PDE1C: variants seen among roughly 807,000 people sequenced by gnomAD.
PDE1C encodes the protein dual specificity calcium/calmodulin-dependent 3',5'-cyclic nucleotide phosphodiesterase 1C.
Under a neutral mutation model 93.1 loss-of-function variants are expected in PDE1C, and 62 were observed. The ratio of observed to expected loss-of-function variants is 0.67; its 90% CI spans 0.54 to 0.82. PDE1C has a LOEUF of 0.82. Ranked by LOEUF, PDE1C falls within the 40% of genes least tolerant of loss-of-function variation. The pLI is 0.00. For missense variants in PDE1C, 742 were observed against 884.6 expected, an observed-to-expected ratio of 0.84 and a Z score of 2.04; for synonymous variants, 325 against 310.1, an observed-to-expected ratio of 1.05 and a Z score of -0.50.
intron 14 of PDE1C, among the ~76,000 whole-genome samples, chr7:31,822,429 C>A (rs1008605887): frequency 3.3e-5 from 5 of 152,104 alleles, no homozygotes; most frequent in Non-Finnish European, 5.9e-5. Flanking sequence ...GTCACAAATG[C>A]ACATATGAAC....
chr7:31,978,741 A>G lies in PDE1C; in HGVS notation c.128+72813T>C, dbSNP rs74903260. 4.6e-3 allele frequency among the ~76,000 whole-genome samples: 707 copies of G among 152,254 alleles called. 4 individuals carry two copies. The highest frequency in any genetic ancestry group is 0.016 in the African/African-American group (650 of 41,558). The stretch of plus-strand genomic sequence containing the variant: ...AACTGTCTTGGAACTCCACTTTTCA[A>G]CAGAAATTTCTGGAAGAGATTAAGG... On this transcript the variant is annotated intron_variant, in intron 2 of 17. Coordinates refer to ENST00000396191, the MANE Select transcript of PDE1C (RefSeq NM_001191057.4).
At chr7:31,790,323 C>T in intron 16 of PDE1C, 1 of 1,444,920 alleles carries the variant, frequency 6.9e-7, no homozygotes, top group Non-Finnish European at 9.6e-7. Context: ...CACCTCCACC[C>T]TCCAAGTCTG....
intron 2 of PDE1C, among the ~76,000 whole-genome samples, chr7:31,931,643 C>T (rs903771345): frequency 6.6e-6 from 1 of 152,110 alleles, no homozygotes; most frequent in Non-Finnish European, 1.5e-5. Flanking sequence ...GAATCAATAT[C>T]GTGAAAATGG....
At chr7:32,298,955 G>A (rs1449236521) in exon 1 of PDE1C, 2 of 1,311,920 alleles carry the variant, frequency 1.5e-6, no homozygotes, top group East Asian at 3.3e-5. Context: ...GGAGGCAGGA[G>A]CCGTCGCGAC....
chr7:32,194,504 GC>G (rs1227778238), intron 2 of PDE1C, among the ~76,000 whole-genome samples: 5 of 152,160 alleles, frequency 3.3e-5, no homozygotes, highest in Non-Finnish European at 7.3e-5. Context: ...ATATAGGATT[GC>G]TATGTCTTCC....
chr7:32,014,105 G>T (rs896166077), intron 2 of PDE1C, among the ~76,000 whole-genome samples: 4 of 152,220 alleles, frequency 2.6e-5, no homozygotes, highest in Non-Finnish European at 4.4e-5. Flanking sequence ...GGTCGGGATA[G>T]CACCTTCACA....
chr7:32,070,535 C>T (rs1351751866), upstream of PDE1C: 1 of 1,476,506 alleles, frequency 6.8e-7, no homozygotes, highest in East Asian at 2.5e-5. Flanking sequence ...CCCTTCTGCG[C>T]CCCCAGACTC....
At chr7:31,767,452 CAAT>C (rs373818262) in intron 17 of PDE1C, among the ~76,000 whole-genome samples, 122 of 152,264 alleles carry the variant, frequency 8.0e-4, no homozygotes, top group African/African-American at 2.9e-3. Flanking sequence ...GCTGCTCTGG[CAAT>C]ATGAAGTGCT....
chr7:31,847,888 T>TG, intron 9 of PDE1C, 80 bp downstream of exon 9: 1 of 1,475,094 alleles, frequency 6.8e-7, no homozygotes, highest in Non-Finnish European at 9.4e-7. Context: ...CAAGGTGTTC[T>TG]TTTCTCAAAA....
intron 2 of PDE1C, among the ~76,000 whole-genome samples, chr7:32,044,416 C>T (rs1792242917): frequency 6.6e-6 from 1 of 152,106 alleles, no homozygotes; most frequent in Admixed American, 6.5e-5. Context: ...TGTAGGCAGC[C>T]TTAAAATCCA....
At chr7:31,747,303 A>T (rs192196312), downstream of PDE1C, among the ~76,000 whole-genome samples, 96 of 152,312 alleles carry the variant, frequency 6.3e-4, 1 homozygote, top group South Asian at 2.7e-3. Flanking sequence ...CTTTCTGAAA[A>T]ATTTAACCCA....
At chr7:31,691,797 T>TAAAAAAAAAAAAAAAAAAAAAAAAAAA in the PDE1C span, among the ~76,000 whole-genome samples, 1 of 86,558 alleles carries the variant, frequency 1.2e-5, no homozygotes, top group Non-Finnish European at 2.2e-5. Flanking sequence ...ATGTAATGAT[T>TAAAAAAAAAAAAAAAAAAAAAAAAAAA]AAAAAAAAAA....
intron 2 of PDE1C, among the ~76,000 whole-genome samples, chr7:32,208,977 A>G (rs188067914): frequency 2.6e-5 from 4 of 152,358 alleles, no homozygotes; most frequent in Non-Finnish European, 5.9e-5. Flanking sequence ...GAGTTAGTCC[A>G]TAAGTCCACT....
upstream of PDE1C, among the ~76,000 whole-genome samples, chr7:32,076,292 A>T (rs1796350490): frequency 6.6e-6 from 1 of 152,122 alleles, no homozygotes; most frequent in Non-Finnish European, 1.5e-5. Flanking sequence ...ATATGGCTTG[A>T]AGTTATCTTA....
intron 8 of PDE1C, among the ~76,000 whole-genome samples, chr7:31,849,553 T>C (rs976361362): frequency 7.2e-5 from 11 of 152,188 alleles, no homozygotes; most frequent in African/African-American, 2.7e-4. Context: ...GACAATATTG[T>C]CTTCTTTTGT....
chr7:32,069,548 C>T (rs30597), intron 1 of PDE1C, among the ~76,000 whole-genome samples: 93,111 of 151,828 alleles, frequency 0.61, 28,772 homozygotes, highest in Non-Finnish European at 0.66. Context: ...CAGCAGTTCA[C>T]TGATGATGAA....
intron 2 of PDE1C, among the ~76,000 whole-genome samples, chr7:32,172,823 T>TAAAA (rs70989638): frequency 1.9e-5 from 2 of 104,454 alleles, no homozygotes; most frequent in Non-Finnish European, 3.7e-5. Flanking sequence ...ACTCCATCTT[T>TAAAA]AAAAAAAAAA....
At chr7:31,670,507 G>A in the PDE1C span, among the ~76,000 whole-genome samples, 5 of 152,142 alleles carry the variant, frequency 3.3e-5, no homozygotes, top group Admixed American at 2.6e-4. Context: ...TGTGAAGTTT[G>A]TTATGCCCCT....
At chr7:31,697,209 C>T in the PDE1C span, 1 of 1,486,596 alleles carries the variant, frequency 6.7e-7, no homozygotes, top group African/African-American at 1.4e-5. Context: ...GGCCGTTGTC[C>T]TGCCCCAGCA....
Sources: gnomAD v4.1 joint callset for allele counts (sites outside exome capture counted in the v4.1 genomes callset) on GRCh38, gnomAD v4.1.1 for gene constraint, MANE v1.5 for transcripts, NCBI Gene and HGNC (gene_info 2026-07-23, HGNC 2026-07-21) for gene names.